Variants in USH2A observed in about 807,000 individuals in gnomAD.
USH2A encodes Usher syndrome 2A (autosomal recessive, mild).
USH2A carries 443 observed loss-of-function variants against 538.9 expected under a neutral mutation model. The ratio of observed to expected loss-of-function variants is 0.82; its 90% CI spans 0.76 to 0.89. The LOEUF (loss-of-function observed/expected upper bound fraction) is 0.89, where lower values mean the gene tolerates loss of function less well. USH2A is among the 40% of genes least tolerant of loss of function. The pLI, the probability that USH2A is intolerant of heterozygous loss-of-function variation, is 0.00. For synonymous variants in USH2A, 2,413 were observed against 2,273.5 expected (o/e 1.06, Z -1.75); for missense variants, 6,633 against 6,324.8 (o/e 1.05, Z -1.65).
chr1:216,295,002 C>T (rs1413401761), intron 9 of USH2A, among the ~76,000 whole-genome samples: 1 of 151,458 alleles, frequency 6.6e-6, no homozygotes, highest in Non-Finnish European at 1.5e-5. Flanking sequence ...TTTCCTTCCC[C>T]TACTTTATTG....
At chr1:216,394,846 G>A (rs2039179809) in intron 3 of USH2A, among the ~76,000 whole-genome samples, 1 of 150,686 alleles carries the variant, frequency 6.6e-6, no homozygotes, top group South Asian at 2.1e-4. Flanking sequence ...AGCCTCCCAA[G>A]TAGCTGGGAC....
At chr1:216,154,364 C>CT in intron 21 of USH2A, among the ~76,000 whole-genome samples, 1 of 152,172 alleles carries the variant, frequency 6.6e-6, no homozygotes. Flanking sequence ...ATACACACTG[C>CT]TTAAGTTTCT....
At chr1:216,056,251 T>C (rs2030971339) in intron 30 of USH2A, among the ~76,000 whole-genome samples, 1 of 152,170 alleles carries the variant, frequency 6.6e-6, no homozygotes, top group Non-Finnish European at 1.5e-5. Context: ...ACACTGAAAT[T>C]ACTGAAACTC....
chr1:215,941,182 A>G (rs1478113121), intron 37 of USH2A, among the ~76,000 whole-genome samples: 1 of 152,112 alleles, frequency 6.6e-6, no homozygotes, highest in Non-Finnish European at 1.5e-5. Flanking sequence ...TATGCTTAAT[A>G]TTGCTGTAAT....
chr1:216,265,650 ATC>A lies in USH2A; in HGVS notation c.1972-14554_1972-14553del, dbSNP rs1034358112. 4.2e-3 allele frequency among the ~76,000 whole-genome samples: 571 copies of A among 134,378 alleles called. 4 individuals are homozygous for A. The highest frequency in any genetic ancestry group is 0.015 in the African/African-American group (534 of 36,578). 88.2% of individuals were successfully genotyped at this position (134,378 alleles called of 152,430 possible). A position where few individuals can be genotyped will look rare whatever the true frequency, so the allele number is the denominator to read the frequency against. Reference sequence around the variant, plus strand: ...AAGAAAATTTGATATATATATATATATCATATATCACATATATAAATATATAA... The same window carrying A: ...AAGAAAATTTGATATATATATATATAATATATCACATATATAAATATATAA... On this transcript the variant is annotated intron_variant, in intron 11 of 71. Transcript: ENST00000307340.
intron 25 of USH2A, among the ~76,000 whole-genome samples, chr1:216,083,894 T>C (rs936886891): frequency 6.6e-6 from 1 of 152,160 alleles, no homozygotes; most frequent in Admixed American, 6.6e-5. Context: ...GTAGTTTGCA[T>C]TGACTAAAAG....
Position 216,114,128 on chromosome 1 carries a change from A to G in USH2A, c.4628-16915T>C, listed in dbSNP as rs553306161. Among the ~76,000 whole-genome samples the G allele has an allele frequency of 3.9e-5, 6 of 151,904 alleles. No individual in the cohort carries two copies. The South Asian group carries it at 1.2e-3, about 32-fold the overall frequency. On this transcript the variant is annotated intron_variant, in intron 21 of 71. Transcript: ENST00000307340. ...TGCACATTTCTTGTTAAGCTATAGT[A>G]CTTATTATATATTTAATTGATATTA...
At chr1:215,990,562 G>A (rs1667977898) in intron 35 of USH2A, among the ~76,000 whole-genome samples, 1 of 152,076 alleles carries the variant, frequency 6.6e-6, no homozygotes, top group Admixed American at 6.5e-5. Context: ...ATAACTTTAA[G>A]CACAGGCTGA....
At chr1:216,032,959 A>G (rs1669162798) in intron 32 of USH2A, among the ~76,000 whole-genome samples, 2 of 152,154 alleles carry the variant, frequency 1.3e-5, no homozygotes, top group Admixed American at 1.3e-4. Flanking sequence ...TACGAACCCA[A>G]TTAAATCCAC....
At position 216,286,272 on chromosome 1, in the gene USH2A, A is replaced by G. The variant is rs141297559; in HGVS notation, c.1971+3008T>C. ...CCCCATTCTGTTCTAATGATAGTGA[A>G]TTAGTTCTCATGAAATCTGATGGTT... On this transcript the variant is annotated intron_variant, in intron 11 of 71. Transcript: ENST00000307340. Among the ~76,000 whole-genome samples the G allele has an allele frequency of 5.0e-3, 755 of 152,244 alleles. 7 individuals carry two copies. The highest frequency in any genetic ancestry group is 0.018 in the African/African-American group (736 of 41,552).
intron 11 of USH2A, among the ~76,000 whole-genome samples, chr1:216,280,307 A>C (rs939237540): frequency 6.6e-6 from 1 of 152,064 alleles, no homozygotes; most frequent in Non-Finnish European, 1.5e-5. Context: ...CTTCTTTTCC[A>C]TGGTGAAATA....
At chr1:216,062,695 C>T (rs1446600605) in intron 30 of USH2A, among the ~76,000 whole-genome samples, 3 of 152,122 alleles carry the variant, frequency 2.0e-5, no homozygotes, top group East Asian at 1.9e-4. Context: ...TAAAAAGTGG[C>T]ATAGGCGGAA....
At chr1:216,072,079 A>C (rs949750977) in intron 29 of USH2A, among the ~76,000 whole-genome samples, 13 of 152,198 alleles carry the variant, frequency 8.5e-5, no homozygotes, top group African/African-American at 3.1e-4. Context: ...ACCTTGATGG[A>C]AACACGTCTT....
chr1:216,164,932 A>G (rs948625465), intron 21 of USH2A, among the ~76,000 whole-genome samples: 2 of 152,116 alleles, frequency 1.3e-5, no homozygotes, highest in Admixed American at 1.3e-4. Flanking sequence ...GAAGAAACTG[A>G]GTTTCACACT....
In USH2A at chr1:215,817,209, A is replaced by C; in HGVS notation, c.9372-14T>G. ...ATTTGAAGAGATCTGCAACAGAGAG[A>C]ATAATCAATACTTCTGAAAAGACAC... On this transcript the variant is annotated splice_polypyrimidine_tract_variant and intron_variant, in intron 47 of 71. Transcript: ENST00000307340. 4 of 1,610,798 alleles carry C rather than the reference A, an allele frequency of 2.5e-6. No homozygotes were observed. The highest frequency in any genetic ancestry group is 3.4e-6 in the Non-Finnish European group (4 of 1,177,708).
Position 216,084,944 on chromosome 1 carries a change from T to C in USH2A, c.4988-67A>G. Reference sequence around the variant, plus strand: ...GATTATTTTCAAGCAATTAATTTTATGTGCCATTAAAGTCAAAGAAATAGG... The same window carrying C: ...GATTATTTTCAAGCAATTAATTTTACGTGCCATTAAAGTCAAAGAAATAGG... On this transcript the variant is annotated intron_variant, in intron 24 of 71. Coordinates refer to ENST00000307340, the MANE Select transcript of USH2A (RefSeq NM_206933.4). 2.6e-6 allele frequency: 4 copies of C among 1,534,370 alleles called. No individual in the cohort carries two copies. In the South Asian group the frequency reaches 3.4e-5, roughly 13 times the overall value.
At chr1:216,112,373 A>G (rs933152497) in intron 21 of USH2A, among the ~76,000 whole-genome samples, 1 of 152,156 alleles carries the variant, frequency 6.6e-6, no homozygotes, top group African/African-American at 2.4e-5. Flanking sequence ...ATACCTGAGG[A>G]AAAAAACAAG....
intron 41 of USH2A, among the ~76,000 whole-genome samples, chr1:215,882,167 G>A (rs1260032983): frequency 6.6e-6 from 1 of 152,184 alleles, no homozygotes; most frequent in African/African-American, 2.4e-5. Context: ...TCTCAAAGCG[G>A]TGTGGCTTTA....
intron 24 of USH2A, chr1:216,085,242 A>G (rs1176706005): frequency 3.8e-6 from 1 of 261,204 alleles, no homozygotes; most frequent in Non-Finnish European, 7.5e-6. Context: ...TCTATTTAAT[A>G]TATAGTTTAC....
Sources: allele counts gnomAD v4.1 joint callset (sites outside exome capture counted in the v4.1 genomes callset), GRCh38; gene constraint gnomAD v4.1.1; transcripts MANE v1.5; gene names NCBI Gene and HGNC (gene_info 2026-07-23, HGNC 2026-07-21).